Variants in CNTN4 observed in about 807,000 individuals in gnomAD.
CNTN4 encodes contactin-4.
CNTN4 carries 77 observed loss-of-function variants against 122.5 expected under a neutral mutation model. The ratio of observed to expected loss-of-function variants is 0.63; its 90% CI spans 0.52 to 0.76. The LOEUF (loss-of-function observed/expected upper bound fraction) is 0.76. Among genes scored for constraint, CNTN4 ranks in the 30% least tolerant of loss-of-function variants. The probability of loss-of-function intolerance (pLI) is 0.00; values close to 1 mark genes in which losing one functional copy is unlikely to be tolerated. For synonymous variants in CNTN4, 512 were observed against 447.0 expected, an observed-to-expected ratio of 1.15 and a Z score of -1.83; for missense variants, 1,256 against 1,259.1, an observed-to-expected ratio of 1.00 and a Z score of 0.04.
At position 2,587,404 on chromosome 3, in the gene CNTN4, C is replaced by G. The variant is rs537193472; in HGVS notation, c.55+15846C>G. 2.6e-5 allele frequency among the ~76,000 whole-genome samples: 4 copies of G among 151,124 alleles called. No individual in the cohort carries two copies. In the East Asian group the frequency reaches 7.7e-4, roughly 29 times the overall value. Reference sequence around the variant, plus strand: ...AGTTATGAAGTACTGATAAGACAGGCAAATATTATTTGCACACAAATGATC... The same window carrying G: ...AGTTATGAAGTACTGATAAGACAGGGAAATATTATTTGCACACAAATGATC... On this transcript the variant is annotated intron_variant, in intron 4 of 24. Coordinates refer to ENST00000418658, the MANE Select transcript of CNTN4 (RefSeq NM_175607.3).
chr3:2,547,149 G>A (rs976490323), intron 3 of CNTN4, among the ~76,000 whole-genome samples: 2 of 152,114 alleles, frequency 1.3e-5, no homozygotes, highest in African/African-American at 4.8e-5. Flanking sequence ...CTGGGTAGCT[G>A]GAAGAACATG....
chr3:3,007,374 C>G (rs970179695), intron 14 of CNTN4, among the ~76,000 whole-genome samples: 4 of 152,082 alleles, frequency 2.6e-5, no homozygotes, highest in African/African-American at 9.7e-5. Flanking sequence ...TCTGATTAAC[C>G]CTCCCTGTAA....
chr3:2,184,370 C>CAGCCCAA (rs1426021545), intron 2 of CNTN4, among the ~76,000 whole-genome samples: 1 of 152,068 alleles, frequency 6.6e-6, no homozygotes, highest in Non-Finnish European at 1.5e-5. Flanking sequence ...CCCAAAGAGA[C>CAGCCCAA]AGAGCCCAGA....
chr3:2,828,607 G>T (rs752295340), intron 7 of CNTN4, among the ~76,000 whole-genome samples: 1 of 152,030 alleles, frequency 6.6e-6, no homozygotes, highest in Non-Finnish European at 1.5e-5. Flanking sequence ...TCCCAACAGA[G>T]GAACTTTATA....
In CNTN4 at chr3:2,560,873, G is replaced by A. The variant is rs144349487; in HGVS notation, c.-88-10543G>A. On this transcript the variant is annotated intron_variant, in intron 3 of 24. Transcript: ENST00000418658. ...ATTTGTAAGTAAAGGATAGAGTGCC[G>A]TAGTAGATTTTATTTAACACCCTAC... 2.0e-3 allele frequency among the ~76,000 whole-genome samples: 312 copies of A among 152,250 alleles called. 1 individual carries two copies. The highest frequency in any genetic ancestry group is 7.1e-3 in the African/African-American group (297 of 41,554).
intron 3 of CNTN4, among the ~76,000 whole-genome samples, chr3:2,550,165 A>T (rs1045760419): frequency 6.6e-6 from 1 of 151,968 alleles, no homozygotes; most frequent in African/African-American, 2.4e-5. Context: ...GGAGTCATTG[A>T]TTTTTTGAAG....
At position 2,781,114 on chromosome 3, in the gene CNTN4, A is replaced by C. The variant is rs561772457; in HGVS notation, c.358+35417A>C. The stretch of plus-strand genomic sequence containing the variant: ...TCAAATGAAAAGGAAAGAAACCAAC[A>C]AACATGCCCTAAGACCAGTTGAAAC... On this transcript the variant is annotated intron_variant, in intron 6 of 24. Transcript: ENST00000418658. Among the ~76,000 whole-genome samples, 12 of 152,332 alleles carry C rather than the reference A, an allele frequency of 7.9e-5. No individual in the cohort carries two copies. The South Asian group carries it at 2.3e-3, about 29-fold the overall frequency.
intron 2 of CNTN4, among the ~76,000 whole-genome samples, chr3:2,302,717 C>T (rs1174806409): frequency 6.6e-6 from 1 of 152,206 alleles, no homozygotes; most frequent in Non-Finnish European, 1.5e-5. Flanking sequence ...CTCACCATTT[C>T]TGCCCACTTT....
At chr3:2,585,747 G>A (rs1220992494) in intron 4 of CNTN4, among the ~76,000 whole-genome samples, 4 of 150,862 alleles carry the variant, frequency 2.7e-5, no homozygotes, top group South Asian at 2.1e-4. Flanking sequence ...TAAATGACAC[G>A]TTAATGGGTG....
chr3:2,648,796 G>A (rs560825285), intron 4 of CNTN4, among the ~76,000 whole-genome samples: 2 of 152,216 alleles, frequency 1.3e-5, no homozygotes, highest in Non-Finnish European at 2.9e-5. Flanking sequence ...GCCAAGACAG[G>A]CTGAAAGCTA....
intron 3 of CNTN4, among the ~76,000 whole-genome samples, chr3:2,441,573 C>T (rs910513994): frequency 1.1e-4 from 17 of 152,280 alleles, no homozygotes; most frequent in Admixed American, 1.1e-3. Flanking sequence ...ATTAGGGTAG[C>T]TTTTCAGTTC....
intron 2 of CNTN4, among the ~76,000 whole-genome samples, chr3:2,292,749 C>G (rs2150007706): frequency 6.6e-6 from 1 of 152,250 alleles, no homozygotes; most frequent in South Asian, 2.1e-4. Flanking sequence ...GTAGTGTGAT[C>G]TTTTTCAATT....
chr3:2,947,587 G>T (rs968162693), intron 13 of CNTN4, among the ~76,000 whole-genome samples: 5 of 152,104 alleles, frequency 3.3e-5, no homozygotes, highest in African/African-American at 1.2e-4. Flanking sequence ...CTCTTCCCTG[G>T]AGATTGTACT....
chr3:2,802,778 G>T (rs183475716), intron 6 of CNTN4, among the ~76,000 whole-genome samples: 1 of 152,284 alleles, frequency 6.6e-6, no homozygotes, highest in East Asian at 1.9e-4. Flanking sequence ...ACACCCGGCA[G>T]TATGGTGCTG....
chr3:2,495,737 T>C (rs1465750804), intron 3 of CNTN4, among the ~76,000 whole-genome samples: 1 of 152,254 alleles, frequency 6.6e-6, no homozygotes, highest in Non-Finnish European at 1.5e-5. Flanking sequence ...GGGGGAACAG[T>C]TTCATCTTGA....
At chr3:2,424,032 T>G (rs1043497921) in intron 3 of CNTN4, among the ~76,000 whole-genome samples, 1 of 150,720 alleles carries the variant, frequency 6.6e-6, no homozygotes, top group Non-Finnish European at 1.5e-5. Context: ...AAAATTCCTT[T>G]CAAAATTCTC....
intron 3 of CNTN4, among the ~76,000 whole-genome samples, chr3:2,346,666 T>C (rs2044407588): frequency 2.0e-5 from 3 of 152,234 alleles, no homozygotes; most frequent in Admixed American, 6.5e-5. Flanking sequence ...TTGTTTTCTA[T>C]CCTTTATTAC....
At chr3:2,169,476 G>C (rs113254601) in intron 2 of CNTN4, among the ~76,000 whole-genome samples, 1 of 151,804 alleles carries the variant, frequency 6.6e-6, no homozygotes, top group Non-Finnish European at 1.5e-5. Context: ...GCGCGATCTC[G>C]GCTCACTGCA....
At chr3:2,845,424 A>G (rs1259067684) in intron 7 of CNTN4, among the ~76,000 whole-genome samples, 1 of 152,042 alleles carries the variant, frequency 6.6e-6, no homozygotes, top group Non-Finnish European at 1.5e-5. Flanking sequence ...GCCTAAAAAT[A>G]AATTACTTTA....
Sources: gnomAD v4.1 joint callset for allele counts (sites outside exome capture counted in the v4.1 genomes callset) on GRCh38, gnomAD v4.1.1 for gene constraint, MANE v1.5 for transcripts, NCBI Gene and HGNC (gene_info 2026-07-23, HGNC 2026-07-21) for gene names.